Variants in PRDM16 observed in about 807,000 individuals in gnomAD.
The protein encoded by PRDM16 is histone-lysine N-methyltransferase PRDM16.
A neutral mutation model predicts 110.6 loss-of-function variants in PRDM16; 23 were observed. The ratio of observed to expected loss-of-function variants is 0.21; its 90% confidence interval spans 0.15 to 0.29. The LOEUF (loss-of-function observed/expected upper bound fraction) is 0.29. Among genes scored for constraint, PRDM16 ranks in the 10% least tolerant of loss-of-function variants. PRDM16 has a pLI of 1.00. For missense variants in PRDM16, 1,615 were observed against 1,794.3 expected (o/e 0.90, Z 1.81); for synonymous variants, 799 against 781.8 (o/e 1.02, Z -0.37).
At chr1:3,334,330 C>T (rs1642102366) in intron 3 of PRDM16, among the ~76,000 whole-genome samples, 2 of 152,124 alleles carry the variant, frequency 1.3e-5, no homozygotes, top group Non-Finnish European at 1.5e-5. Flanking sequence ...CCCACCACGT[C>T]AGGGACTTCC....
At position 3,339,687 on chromosome 1, in the gene PRDM16, G is replaced by C. The variant is rs1049340172; in HGVS notation, c.439-45465G>C. Among the ~76,000 whole-genome samples, 7 of 152,124 alleles carry C rather than the reference G, an allele frequency of 4.6e-5. No homozygotes were observed. The highest frequency in any genetic ancestry group is 1.7e-4 in the African/African-American group (7 of 41,428). Reference sequence around the variant, plus strand: ...GGCTGCATTGTGTGTGTGGTGGGGGGTGTGCAGAGCTCAGTTACCCCATCT... The same window carrying C: ...GGCTGCATTGTGTGTGTGGTGGGGGCTGTGCAGAGCTCAGTTACCCCATCT... On this transcript the variant is annotated intron_variant, in intron 3 of 16. Transcript: ENST00000270722. The surrounding 1 kb of genome is among the most constrained non-coding windows in gnomAD (Gnocchi z 5.0).
chr1:3,134,662 T>C (rs758851906), intron 1 of PRDM16, among the ~76,000 whole-genome samples: 1 of 152,258 alleles, frequency 6.6e-6, no homozygotes, highest in Non-Finnish European at 1.5e-5. Context: ...CTTGACCTAA[T>C]TGGTCCAGAA....
chr1:3,225,510 CCTG>C (rs1639264949), intron 2 of PRDM16, among the ~76,000 whole-genome samples: 1 of 150,358 alleles, frequency 6.7e-6, no homozygotes, highest in South Asian at 2.1e-4. Context: ...CACAGCCTGA[CCTG>C]ATGATGTGCA....
intron 1 of PRDM16, among the ~76,000 whole-genome samples, chr1:3,103,641 C>A (rs1642583099): frequency 6.6e-6 from 1 of 152,190 alleles, no homozygotes; most frequent in Non-Finnish European, 1.5e-5. Flanking sequence ...TCGCCTTAAG[C>A]AGGTGTGCAG....
intron 3 of PRDM16, among the ~76,000 whole-genome samples, chr1:3,269,379 AGAGGAGGACAGTCCCG>A (rs1252885605): frequency 2.0e-5 from 3 of 149,524 alleles, no homozygotes; most frequent in Non-Finnish European, 3.0e-5. Flanking sequence ...GGACAGTCCC[AGAGGAGGACAGTCCCG>A]GAGGAGGACA....
rs1553161927 is a variant in PRDM16 at position 3,314,073 on chromosome 1, G to GC, written c.438+69936_438+69937insC. On this transcript the variant is annotated intron_variant, in intron 3 of 16. Coordinates refer to ENST00000270722, the MANE Select transcript of PRDM16 (RefSeq NM_022114.4). Reference sequence around the variant, plus strand: ...CCCCGAATGCCGTCCTTCCCCACCGGGGGGGGGGGCGGGAACATAAAATGG... The same window carrying GC: ...CCCCGAATGCCGTCCTTCCCCACCGGCGGGGGGGGGCGGGAACATAAAATGG... Among the ~76,000 whole-genome samples, 26 of 141,798 alleles carry GC rather than the reference G, an allele frequency of 1.8e-4. 1 individual carries two copies. Among genetic ancestry groups the GC allele is most frequent in the Non-Finnish European group, 2.7e-4 (18 of 66,876 alleles). 93.0% of individuals were successfully genotyped at this position (141,798 alleles called of 152,430 possible).
At chr1:3,115,769 T>TG (rs1333683862) in intron 1 of PRDM16, among the ~76,000 whole-genome samples, 1 of 152,226 alleles carries the variant, frequency 6.6e-6, no homozygotes, top group Non-Finnish European at 1.5e-5. Flanking sequence ...GTTGGCATCC[T>TG]CGGGGTGCCC....
rs1046324826 is a variant in PRDM16 at position 3,350,577 on chromosome 1, C to A, written c.439-34575C>A. 6.6e-6 allele frequency among the ~76,000 whole-genome samples: 1 copy of A among 152,112 alleles called. No homozygotes were observed. Among genetic ancestry groups the A allele is most frequent in the African/African-American group, 2.4e-5 (1 of 41,428 alleles). ...AAGGGGAGGGGACCAGGGTGGCAGG[C>A]AGCTGTGGGCGGGTGGAAAGCAGAG... On this transcript the variant is annotated intron_variant, in intron 3 of 16. Transcript: ENST00000270722. The surrounding 1 kb of genome is among the most constrained non-coding windows in gnomAD (Gnocchi z 7.1).
chr1:3,345,543 G>A (rs1244351268), intron 3 of PRDM16, among the ~76,000 whole-genome samples: 1 of 152,226 alleles, frequency 6.6e-6, no homozygotes, highest in Non-Finnish European at 1.5e-5. Context: ...AACTGGCCAA[G>A]TACCCCACCT....
intron 1 of PRDM16, among the ~76,000 whole-genome samples, chr1:3,070,905 CCCTCGG>C (rs1261317285): frequency 6.6e-6 from 1 of 152,244 alleles, no homozygotes; most frequent in Non-Finnish European, 1.5e-5. Flanking sequence ...CTGCCGGGTG[CCCTCGG>C]CCTCGGCCTC....
chr1:3,358,462 C>T lies in PRDM16; in HGVS notation c.439-26690C>T, dbSNP rs995919456. ...GTGGAGGAGGTGTTGTCTCCAGAGG[C>T]AGCCGCTGCGCCCCAGACTCCCAGC... On this transcript the variant is annotated intron_variant, in intron 3 of 16. Coordinates refer to ENST00000270722, the MANE Select transcript of PRDM16 (RefSeq NM_022114.4). The surrounding 1 kb of genome is among the most constrained non-coding windows in gnomAD (Gnocchi z 4.0). Among the ~76,000 whole-genome samples, 3 of 152,150 alleles carry T rather than the reference C, an allele frequency of 2.0e-5. No individual in the cohort carries two copies. The highest frequency in any genetic ancestry group is 4.4e-5 in the Non-Finnish European group (3 of 68,024).
intron 1 of PRDM16, among the ~76,000 whole-genome samples, chr1:3,146,840 C>G (rs371787382): frequency 1.3e-5 from 1 of 75,552 alleles, no homozygotes; most frequent in South Asian, 4.8e-4. Context: ...TGTGTGCACA[C>G]GTGTGTGCTC....
intron 1 of PRDM16, among the ~76,000 whole-genome samples, chr1:3,169,930 C>T (rs533389689): frequency 7.5e-4 from 115 of 152,376 alleles, no homozygotes; most frequent in Middle Eastern, 6.8e-3. Flanking sequence ...CCGCGGCCCG[C>T]GCGCTCCGAG....
intron 2 of PRDM16, among the ~76,000 whole-genome samples, chr1:3,226,637 A>G (rs1049855244): frequency 6.6e-6 from 1 of 152,248 alleles, no homozygotes; most frequent in Non-Finnish European, 1.5e-5. Context: ...CTTATTGCCC[A>G]GCCTCTAAAT....
At chr1:3,181,360 G>A (rs111568452) in intron 1 of PRDM16, among the ~76,000 whole-genome samples, 3,307 of 7,128 alleles carry the variant, frequency 0.46, 1,190 homozygotes, top group East Asian at 0.68. Flanking sequence ...TCTTACACAC[G>A]GTCTTACACA....
intron 4 of PRDM16, chr1:3,394,355 C>T (rs1643349875): frequency 1.7e-5 from 5 of 285,820 alleles, no homozygotes; most frequent in African/African-American, 1.2e-4. Context: ...GGCGGAGGAT[C>T]CAGGAGGGCC....
chr1:3,182,013 ACTGT>A (rs1644216006), intron 1 of PRDM16, among the ~76,000 whole-genome samples: 1 of 152,138 alleles, frequency 6.6e-6, no homozygotes, highest in Non-Finnish European at 1.5e-5. Flanking sequence ...GCTTACACAC[ACTGT>A]CTTACACATG....
chr1:3,419,347 C>G (rs1423963576), intron 12 of PRDM16, among the ~76,000 whole-genome samples: 1 of 152,210 alleles, frequency 6.6e-6, no homozygotes, highest in Non-Finnish European at 1.5e-5. Flanking sequence ...CCGGCTGGCA[C>G]CTGCAGTGAA....
Position 3,244,650 on chromosome 1 carries a change from T to G in PRDM16, c.438+513T>G, listed in dbSNP as rs576911349. Among the ~76,000 whole-genome samples the G allele has an allele frequency of 6.6e-6, 1 of 152,214 alleles. No homozygotes were observed. The highest frequency in any genetic ancestry group is 2.1e-4 in the South Asian group (1 of 4,826). ...TGGCATTATCCACGGCTTTGCTGAC[T>G]GGTGGTGGATAACGGCTGGTGGACA... is the stretch of plus-strand genomic sequence containing the variant. On this transcript the variant is annotated intron_variant, in intron 3 of 16. Transcript: ENST00000270722. This position sits in a 1 kb window ranked among gnomAD's most constrained non-coding sequence, Gnocchi z 4.1.
Sources: allele counts gnomAD v4.1 joint callset (sites outside exome capture counted in the v4.1 genomes callset), GRCh38; gene constraint gnomAD v4.1.1; non-coding constraint Gnocchi (gnomAD v3.1); transcripts MANE v1.5; gene names NCBI Gene and HGNC (gene_info 2026-07-23, HGNC 2026-07-21).